The following SPMIP11 variants were observed in gnomAD, a reference collection of about 807,000 sequenced individuals.
SPMIP11 encodes the protein sperm microtubule inner protein 11.
chr12:48,763,865 G>C, the SPMIP11 span, among the ~76,000 whole-genome samples: 1 of 151,868 alleles, frequency 6.6e-6, no homozygotes, highest in Admixed American at 6.6e-5. Context: ...TTTTAGTAGA[G>C]ATGGGTTTCA....
chr12:48,727,701 G>C, the SPMIP11 span: 1 of 593,864 alleles, frequency 1.7e-6, no homozygotes, highest in African/African-American at 1.9e-5. Context: ...TAAAATTGTG[G>C]AATAGGGACA....
the SPMIP11 span, among the ~76,000 whole-genome samples, chr12:48,758,575 T>C: frequency 6.6e-6 from 1 of 152,216 alleles, no homozygotes; most frequent in Non-Finnish European, 1.5e-5. Flanking sequence ...ATTCAGCCTC[T>C]ATTGTGAGAT....
chr12:48,746,360 C>CTTTTT, the SPMIP11 span, among the ~76,000 whole-genome samples: 63 of 101,222 alleles, frequency 6.2e-4, no homozygotes, highest in Non-Finnish European at 7.0e-4. Flanking sequence ...ACTATAATTC[C>CTTTTT]TTTTTTTTTT....
At chr12:48,767,405 G>A in the SPMIP11 span, 1 of 152,640 alleles carries the variant, frequency 6.6e-6, no homozygotes, top group Non-Finnish European at 1.5e-5. Context: ...TACATCCCCT[G>A]AAGTAGGAAA....
At chr12:48,739,780 C>T in the SPMIP11 span, among the ~76,000 whole-genome samples, 1 of 152,162 alleles carries the variant, frequency 6.6e-6, no homozygotes, top group African/African-American at 2.4e-5. Context: ...TAATCACCTT[C>T]CACCAGGTCC....
chr12:48,749,982 C>T, the SPMIP11 span, among the ~76,000 whole-genome samples: 34 of 151,924 alleles, frequency 2.2e-4, no homozygotes, highest in African/African-American at 1.7e-4. Context: ...TGAGCCACCA[C>T]GCCCAGCCTA....
the SPMIP11 span, among the ~76,000 whole-genome samples, chr12:48,753,171 C>T: frequency 6.6e-6 from 1 of 152,204 alleles, no homozygotes. Flanking sequence ...ACCGGAGTCA[C>T]AGAGAAAATC....
chr12:48,740,790 G>A, the SPMIP11 span, among the ~76,000 whole-genome samples: 2 of 151,990 alleles, frequency 1.3e-5, no homozygotes, highest in East Asian at 1.9e-4. Flanking sequence ...AGGAGAATGA[G>A]GTGGGAGGAT....
At chr12:48,738,190 T>C in the SPMIP11 span, among the ~76,000 whole-genome samples, 2 of 152,230 alleles carry the variant, frequency 1.3e-5, no homozygotes, top group African/African-American at 4.8e-5. Context: ...TAATTTTATC[T>C]TGCAACCTTG....
the SPMIP11 span, among the ~76,000 whole-genome samples, chr12:48,738,840 G>A: frequency 1.3e-5 from 2 of 152,002 alleles, no homozygotes; most frequent in Non-Finnish European, 2.9e-5. Flanking sequence ...CCAAGGGAAG[G>A]GGAACTAAGC....
chr12:48,770,057 G>A, the SPMIP11 span, among the ~76,000 whole-genome samples: 13 of 149,332 alleles, frequency 8.7e-5, no homozygotes, highest in East Asian at 9.7e-4. Context: ...CACTGCGCCC[G>A]GCCTAATTTT....
the SPMIP11 span, among the ~76,000 whole-genome samples, chr12:48,737,404 T>C: frequency 6.6e-6 from 1 of 151,266 alleles, no homozygotes; most frequent in Non-Finnish European, 1.5e-5. Context: ...GAAATTTTAT[T>C]TTAATTTTTA....
chr12:48,765,708 G>GA, the SPMIP11 span: 3 of 701,974 alleles, frequency 4.3e-6, no homozygotes, highest in Non-Finnish European at 7.8e-6. Context: ...TGCAGAGGGG[G>GA]AAAGAAGGAG....
At chr12:48,762,760 G>A in the SPMIP11 span, among the ~76,000 whole-genome samples, 1 of 152,178 alleles carries the variant, frequency 6.6e-6, no homozygotes, top group African/African-American at 2.4e-5. Flanking sequence ...GCTATAAAAT[G>A]CCAGCTCCAG....
chr12:48,729,123 C>T, the SPMIP11 span, among the ~76,000 whole-genome samples: 450 of 152,282 alleles, frequency 3.0e-3, 1 homozygote, highest in Middle Eastern at 0.017. Context: ...GAATTGTTGC[C>T]GGGCACTGCG....
At chr12:48,764,083 A>G in the SPMIP11 span, among the ~76,000 whole-genome samples, 1 of 151,876 alleles carries the variant, frequency 6.6e-6, no homozygotes, top group African/African-American at 2.4e-5. Flanking sequence ...CCTGGGTTCA[A>G]GTGATTCTCC....
the SPMIP11 span, among the ~76,000 whole-genome samples, chr12:48,731,504 G>T: frequency 6.7e-6 from 1 of 149,998 alleles, no homozygotes; most frequent in South Asian, 2.1e-4. Flanking sequence ...AAAAAAAAAA[G>T]AATTATTCAC....
chr12:48,729,489 GAGCCACTGCACTCC>G, the SPMIP11 span, among the ~76,000 whole-genome samples: 3 of 151,528 alleles, frequency 2.0e-5, no homozygotes, highest in Non-Finnish European at 4.4e-5. Flanking sequence ...AGCTGAGATT[GAGCCACTGCACTCC>G]AGCCTAGGTA....
At chr12:48,768,390 T>A in the SPMIP11 span, 5 of 710,306 alleles carry the variant, frequency 7.0e-6, no homozygotes, top group Non-Finnish European at 1.2e-5. Flanking sequence ...GTCACTTGCA[T>A]AATCCTCTCG....
Sources: gnomAD v4.1 joint callset for allele counts (sites outside exome capture counted in the v4.1 genomes callset) on GRCh38, gnomAD v4.1.1 for gene constraint, MANE v1.5 for transcripts, NCBI Gene and HGNC (gene_info 2026-07-23, HGNC 2026-07-21) for gene names.